RGS9: variants seen among roughly 807,000 people sequenced by gnomAD.
The protein encoded by RGS9 is regulator of G protein signaling 9.
RGS9 carries 78 observed loss-of-function variants against 102.0 expected under a neutral mutation model. The ratio of observed to expected loss-of-function variants is 0.76; its 90% CI spans 0.64 to 0.92. RGS9 has a LOEUF of 0.92. RGS9 is among the 40% of genes least tolerant of loss of function. The probability of loss-of-function intolerance (pLI) is 0.00; values close to 1 mark genes in which losing one functional copy is unlikely to be tolerated. For synonymous variants in RGS9, 353 were observed against 318.6 expected (o/e 1.11, Z -1.15); for missense variants, 833 against 866.1 (o/e 0.96, Z 0.48).
Position 65,201,983 on chromosome 17 carries a change from C to T in RGS9, c.977-10C>T, listed in dbSNP as rs777366611. ...CCGGCCCTCATCCACGTGGACTTCT[C>T]ACCATGCAGGAGAGAATCTGGGATT... On this transcript the variant is annotated splice_polypyrimidine_tract_variant and intron_variant, in intron 13 of 18. Transcript: ENST00000262406. 2.5e-6 allele frequency: 4 copies of T among 1,604,196 alleles called. No individual in the cohort carries two copies. The highest frequency in any genetic ancestry group is 1.1e-5 in the South Asian group (1 of 90,848).
At chr17:65,204,595 G>A (rs79564533) in intron 15 of RGS9, among the ~76,000 whole-genome samples, 4,218 of 152,100 alleles carry the variant, frequency 0.028, 198 homozygotes, top group African/African-American at 0.093. Flanking sequence ...ATTGTCAACC[G>A]TCTCTTCCAC....
intron 13 of RGS9, among the ~76,000 whole-genome samples, chr17:65,201,203 T>C (rs1912824580): frequency 6.6e-6 from 1 of 152,176 alleles, no homozygotes; most frequent in Admixed American, 6.5e-5. Flanking sequence ...TATGAACATA[T>C]GCGTGGTACC....
intron 13 of RGS9, 112 bp downstream of exon 13, chr17:65,197,353 T>C: frequency 1.3e-6 from 1 of 760,970 alleles, no homozygotes. Context: ...AGAGCTTTGC[T>C]TATGCCCTTA....
intron 10 of RGS9, 129 bp from the exon 11 acceptor site, chr17:65,190,046 G>C: frequency 1.3e-6 from 1 of 792,718 alleles, no homozygotes; most frequent in South Asian, 1.3e-5. Context: ...CTGGTACTGA[G>C]GGGGCTGGCT....
intron 17 of RGS9, among the ~76,000 whole-genome samples, chr17:65,223,820 G>A (rs113902958): frequency 0.071 from 10,730 of 150,428 alleles, 1,280 homozygotes; most frequent in African/African-American, 0.25. Flanking sequence ...ACGCGATCTC[G>A]GCTCACTGCA....
intron 11 of RGS9, among the ~76,000 whole-genome samples, chr17:65,193,037 G>A (rs1912434414): frequency 6.6e-6 from 1 of 151,576 alleles, no homozygotes; most frequent in South Asian, 2.1e-4. Context: ...GACTGAGGTG[G>A]ATCGCTTGAC....
At chr17:65,154,536 T>C (rs1380866755) in intron 2 of RGS9, among the ~76,000 whole-genome samples, 1 of 152,150 alleles carries the variant, frequency 6.6e-6, no homozygotes, top group Non-Finnish European at 1.5e-5. Flanking sequence ...AAAAATACTA[T>C]TTAGCAGAAA....
At chr17:65,151,340 T>TCCC (rs759962371) in intron 1 of RGS9, among the ~76,000 whole-genome samples, 2,772 of 119,270 alleles carry the variant, frequency 0.023, 75 homozygotes, top group African/African-American at 0.11. Context: ...GGAAGACCTG[T>TCCC]CCCAAAAAAA....
chr17:65,186,227 C>A (rs1912115535), intron 9 of RGS9, among the ~76,000 whole-genome samples: 1 of 150,248 alleles, frequency 6.7e-6, no homozygotes, highest in Non-Finnish European at 1.5e-5. Context: ...GATGGAGTCT[C>A]GCTCTGTGGC....
chr17:65,206,609 G>A (rs1913073275), intron 15 of RGS9, among the ~76,000 whole-genome samples: 1 of 152,156 alleles, frequency 6.6e-6, no homozygotes, highest in African/African-American at 2.4e-5. Context: ...CCTGGGAGGT[G>A]GAGGTTGCAG....
At chr17:65,196,683 G>C (rs977271459) in intron 12 of RGS9, among the ~76,000 whole-genome samples, 7 of 149,832 alleles carry the variant, frequency 4.7e-5, no homozygotes, top group Non-Finnish European at 9.1e-5. Context: ...ATGGTAGGGG[G>C]GCAGCTGTCG....
At chr17:65,215,501 T>TTTCG (rs1491180441) in intron 17 of RGS9, among the ~76,000 whole-genome samples, 22 of 94,448 alleles carry the variant, frequency 2.3e-4, no homozygotes, top group Middle Eastern at 8.9e-3. Flanking sequence ...TCTTTCGTTC[T>TTTCG]TTCTTTCTTT....
At chr17:65,211,462 C>T (rs1255394289) in intron 17 of RGS9, among the ~76,000 whole-genome samples, 1 of 152,196 alleles carries the variant, frequency 6.6e-6, no homozygotes. Flanking sequence ...TGTCTTCATT[C>T]ATGGGAAGAG....
At chr17:65,141,345 C>T (rs540415602) in intron 1 of RGS9, among the ~76,000 whole-genome samples, 5 of 152,310 alleles carry the variant, frequency 3.3e-5, no homozygotes, top group Admixed American at 6.5e-5. Context: ...ACCATCCCAG[C>T]CAGTACCACC....
intron 6 of RGS9, among the ~76,000 whole-genome samples, chr17:65,162,391 A>T (rs74564410): frequency 1.3e-5 from 2 of 152,112 alleles, no homozygotes; most frequent in South Asian, 4.1e-4. Flanking sequence ...CAAAAAAAAA[A>T]TTGATTTTCA....
chr17:65,227,165 T>C lies in RGS9; in HGVS notation c.1893-110T>C, dbSNP rs1905724699. 3.3e-6 allele frequency: 5 copies of C among 1,495,270 alleles called. No homozygotes were observed. In the Admixed American group the frequency reaches 8.4e-5, roughly 25 times the overall value. The allele number at this position is 1,495,270 out of a possible 1,614,324, so 92.6% of individuals were successfully genotyped here. A position where few individuals can be genotyped will look rare whatever the true frequency, so the allele number is the denominator to read the frequency against. Reference sequence around the variant, plus strand: ...CTATACCTGCCCCCACCACAGTCTTTGGCAAATGCACCTGGTATGTTCATC... The same window carrying C: ...CTATACCTGCCCCCACCACAGTCTTCGGCAAATGCACCTGGTATGTTCATC... On this transcript the variant is annotated intron_variant, in intron 18 of 18. Transcript: ENST00000262406.
At chr17:65,215,484 CTTTCGT>C (rs1567893198) in intron 17 of RGS9, among the ~76,000 whole-genome samples, 7 of 115,026 alleles carry the variant, frequency 6.1e-5, no homozygotes, top group African/African-American at 2.8e-4. Context: ...CTCTATCTTT[CTTTCGT>C]TCTTTCGTTC....
intron 15 of RGS9, among the ~76,000 whole-genome samples, chr17:65,204,863 T>C (rs8065712): frequency 0.015 from 2,253 of 152,284 alleles, 74 homozygotes; most frequent in African/African-American, 0.051. Context: ...TCTAGTGGCT[T>C]GGTCAAGGTC....
intron 17 of RGS9, among the ~76,000 whole-genome samples, chr17:65,219,078 C>G (rs539184016): frequency 6.6e-6 from 1 of 152,182 alleles, no homozygotes; most frequent in East Asian, 1.9e-4. Flanking sequence ...CAGGGCAGTT[C>G]GTTGGTGATC....
Sources: allele counts gnomAD v4.1 joint callset (sites outside exome capture counted in the v4.1 genomes callset), GRCh38; gene constraint gnomAD v4.1.1; transcripts MANE v1.5; gene names NCBI Gene and HGNC (gene_info 2026-07-23, HGNC 2026-07-21).